Variants in FOXP1 observed in about 807,000 individuals in gnomAD.
FOXP1 encodes forkhead box P1.
A neutral mutation model predicts 98.2 loss-of-function variants in FOXP1; 15 were observed. The observed-to-expected ratio is 0.15, with a 90% CI of 0.10 to 0.24. FOXP1 has a LOEUF of 0.24. FOXP1 is among the 10% of genes least tolerant of loss of function. The probability of loss-of-function intolerance (pLI) is 1.00; values close to 1 mark genes in which losing one functional copy is unlikely to be tolerated. For missense variants in FOXP1, 633 were observed against 848.5 expected (o/e 0.75, Z 3.15); for synonymous variants, 371 against 314.5 (o/e 1.18, Z -1.90).
Position 71,245,855 on chromosome 3 carries a change from T to C in FOXP1, c.-11-47463A>G, listed in dbSNP as rs1278445062. ...ATAAAATACTGTTGTCAAATCATCC[T>C]TTAGAAATTAGCTAATAAAATAAAA... On this transcript the variant is annotated intron_variant, in intron 5 of 20. Coordinates refer to ENST00000649528, the MANE Select transcript of FOXP1 (RefSeq NM_001349338.3). 4.2e-5 allele frequency among the ~76,000 whole-genome samples: 6 copies of C among 143,308 alleles called. No homozygotes were observed. In the Admixed American group the frequency reaches 4.3e-4, roughly 10 times the overall value. The allele number at this position is 143,308 out of a possible 152,430, so 94.0% of individuals were successfully genotyped here. A position where few individuals can be genotyped will look rare whatever the true frequency, so the allele number is the denominator to read the frequency against.
Position 70,987,961 on chromosome 3 carries a change from G to GT in FOXP1, c.1146+32dup, listed in dbSNP as rs1553678324. On this transcript the variant is annotated intron_variant, in intron 14 of 20. Coordinates refer to ENST00000649528, the MANE Select transcript of FOXP1 (RefSeq NM_001349338.3). Reference sequence around the variant, plus strand: ...GTAGAAAAGGAATACTGTGAGTTTTGTTTTTTTCCCCTTGGTGGGGATCAA... The same window carrying GT: ...GTAGAAAAGGAATACTGTGAGTTTTGTTTTTTTTCCCCTTGGTGGGGATCAA... The GT allele has an allele frequency of 1.6e-5, 26 of 1,600,748 alleles. No individual in the cohort carries two copies. In the South Asian group the frequency reaches 2.2e-4, roughly 14 times the overall value.
chr3:71,155,534 G>A (rs1037021026), intron 6 of FOXP1, among the ~76,000 whole-genome samples: 3 of 152,140 alleles, frequency 2.0e-5, no homozygotes, highest in Admixed American at 6.5e-5. Context: ...AGAGCCCCAT[G>A]GGACCAGTAG....
intron 2 of FOXP1, among the ~76,000 whole-genome samples, chr3:71,576,390 G>A (rs2047720571): frequency 1.3e-5 from 2 of 152,100 alleles, no homozygotes; most frequent in African/African-American, 4.8e-5. Flanking sequence ...AATTAGCTTT[G>A]CACAGGCACT....
chr3:71,339,751 T>C (rs1350919218), intron 4 of FOXP1, among the ~76,000 whole-genome samples: 3 of 152,138 alleles, frequency 2.0e-5, no homozygotes, highest in Admixed American at 1.3e-4. Context: ...ACCCAGCAGG[T>C]AGGGAGGTAG....
At chr3:70,961,937 G>T (rs551244331) in intron 20 of FOXP1, among the ~76,000 whole-genome samples, 1 of 152,204 alleles carries the variant, frequency 6.6e-6, no homozygotes, top group East Asian at 1.9e-4. Context: ...CAAGTGCAGT[G>T]TCCTTTTAGG....
intron 3 of FOXP1, among the ~76,000 whole-genome samples, chr3:71,474,539 G>A (rs928910486): frequency 1.8e-4 from 27 of 152,118 alleles, no homozygotes; most frequent in African/African-American, 5.6e-4. Flanking sequence ...GTTTACAGCC[G>A]CTGCCCACAG....
At chr3:71,551,804 G>A (rs1025359538) in intron 2 of FOXP1, among the ~76,000 whole-genome samples, 2 of 151,938 alleles carry the variant, frequency 1.3e-5, no homozygotes, top group Non-Finnish European at 2.9e-5. Flanking sequence ...ATCTATGATC[G>A]GGCTTCTAGT....
intron 2 of FOXP1, among the ~76,000 whole-genome samples, chr3:71,523,131 C>T (rs2043115717): frequency 1.3e-5 from 2 of 152,118 alleles, no homozygotes; most frequent in Admixed American, 1.3e-4. Context: ...AAGACCACCA[C>T]AGGGAGATGA....
intron 6 of FOXP1, among the ~76,000 whole-genome samples, chr3:71,152,674 T>C (rs2060628425): frequency 6.6e-6 from 1 of 152,158 alleles, no homozygotes; most frequent in Admixed American, 6.5e-5. Flanking sequence ...TCTGAGGCTC[T>C]GTTTCCTTAT....
Position 71,282,414 on chromosome 3 carries a change from A to G in FOXP1, c.-12+17406T>C, listed in dbSNP as rs548743402. On this transcript the variant is annotated intron_variant, in intron 5 of 20. Coordinates refer to ENST00000649528, the MANE Select transcript of FOXP1 (RefSeq NM_001349338.3). Reference sequence around the variant, plus strand: ...ATATCTTGAATTTTTAATTAATAATAAAGATTATTAACCTCCTTGAGAACT... The same window carrying G: ...ATATCTTGAATTTTTAATTAATAATGAAGATTATTAACCTCCTTGAGAACT... Among the ~76,000 whole-genome samples, 6 of 152,140 alleles carry G rather than the reference A, an allele frequency of 3.9e-5. No homozygotes were observed. The South Asian group carries it at 1.0e-3, about 26-fold the overall frequency.
chr3:70,995,096 A>T (rs2041182227), intron 13 of FOXP1, among the ~76,000 whole-genome samples: 1 of 152,060 alleles, frequency 6.6e-6, no homozygotes, highest in Non-Finnish European at 1.5e-5. Flanking sequence ...TTAAAATCCA[A>T]CCACCACTGC....
intron 5 of FOXP1, among the ~76,000 whole-genome samples, chr3:71,217,380 T>C (rs2065023374): frequency 6.6e-6 from 1 of 152,134 alleles, no homozygotes; most frequent in South Asian, 2.1e-4. Context: ...GCCTAGGATT[T>C]TGTTCTTTTT....
At chr3:71,034,451 ACAT>A (rs545747364) in intron 11 of FOXP1, among the ~76,000 whole-genome samples, 69 of 152,282 alleles carry the variant, frequency 4.5e-4, no homozygotes, top group Non-Finnish European at 8.2e-4. Flanking sequence ...GCAAGCGATA[ACAT>A]CATTCTGGGC....
At chr3:71,005,406 A>T (rs2042681155) in intron 12 of FOXP1, among the ~76,000 whole-genome samples, 1 of 150,582 alleles carries the variant, frequency 6.6e-6, no homozygotes, top group African/African-American at 2.4e-5. Context: ...TGCTAACTTC[A>T]GTTGATTTTT....
At chr3:71,276,404 A>G (rs1485722452) in intron 5 of FOXP1, 1 of 152,134 alleles carries the variant, frequency 6.6e-6, no homozygotes, top group African/African-American at 2.4e-5. Flanking sequence ...TGAAAAATCT[A>G]GGATGTGTCT....
chr3:71,355,180 C>T (rs2078066459), intron 4 of FOXP1, among the ~76,000 whole-genome samples: 1 of 152,166 alleles, frequency 6.6e-6, no homozygotes, highest in Non-Finnish European at 1.5e-5. Flanking sequence ...AGATACAGTC[C>T]TCTTAGGTGC....
chr3:71,305,199 G>A (rs962462476), intron 4 of FOXP1, among the ~76,000 whole-genome samples: 10 of 152,116 alleles, frequency 6.6e-5, no homozygotes, highest in African/African-American at 2.4e-4. Context: ...ACAAAAAATA[G>A]CAAGACCCCA....
intron 3 of FOXP1, among the ~76,000 whole-genome samples, chr3:71,472,989 T>C (rs1488852999): frequency 6.6e-6 from 1 of 152,080 alleles, no homozygotes; most frequent in African/African-American, 2.4e-5. Flanking sequence ...TATGGCAAAA[T>C]AACTTATGAA....
At chr3:71,433,775 T>C (rs956728027) in intron 3 of FOXP1, among the ~76,000 whole-genome samples, 13 of 152,162 alleles carry the variant, frequency 8.5e-5, no homozygotes, top group African/African-American at 3.1e-4. Context: ...GAGTTTTCTC[T>C]TCCCTGACTG....
Sources: allele counts gnomAD v4.1 joint callset (sites outside exome capture counted in the v4.1 genomes callset), GRCh38; gene constraint gnomAD v4.1.1; transcripts MANE v1.5; gene names NCBI Gene and HGNC (gene_info 2026-07-23, HGNC 2026-07-21).